The following RABGAP1 variants were observed in gnomAD, a reference collection of about 807,000 sequenced individuals.
The protein encoded by RABGAP1 is rab GTPase-activating protein 1.
Under a neutral mutation model 137.6 loss-of-function variants are expected in RABGAP1, and 23 were observed. The observed-to-expected ratio is 0.17, with a 90% CI of 0.12 to 0.24. The LOEUF is 0.24. Ranked by LOEUF, RABGAP1 falls within the 10% of genes least tolerant of loss-of-function variation. The probability of loss-of-function intolerance (pLI) is 1.00; values close to 1 mark genes in which losing one functional copy is unlikely to be tolerated. For missense variants in RABGAP1, 906 were observed against 1,275.8 expected (o/e 0.71, Z 4.42); for synonymous variants, 451 against 450.7 (o/e 1.00, Z -0.01).
chr9:123,074,637 A>G (rs902716099), intron 17 of RABGAP1, among the ~76,000 whole-genome samples: 1 of 152,262 alleles, frequency 6.6e-6, no homozygotes, highest in Non-Finnish European at 1.5e-5. Flanking sequence ...GACGTACTGA[A>G]TTAGACATTT....
At chr9:123,038,801 T>A (rs1354688751) in intron 13 of RABGAP1, among the ~76,000 whole-genome samples, 1 of 151,780 alleles carries the variant, frequency 6.6e-6, no homozygotes, top group African/African-American at 2.4e-5. Flanking sequence ...ATTGTAGACA[T>A]TTCTTATGGC....
intron 1 of RABGAP1, among the ~76,000 whole-genome samples, chr9:122,944,458 G>A (rs541457345): frequency 2.8e-4 from 42 of 152,024 alleles, no homozygotes; most frequent in Middle Eastern, 3.4e-3. Context: ...TCAAACACCT[G>A]GCCTCAAGCA....
At chr9:123,080,555 A>G (rs538056157) in intron 19 of RABGAP1, among the ~76,000 whole-genome samples, 5 of 152,338 alleles carry the variant, frequency 3.3e-5, no homozygotes, top group Middle Eastern at 3.4e-3. Context: ...TGAACCTGTT[A>G]TGGGCAAAGT....
At chr9:122,944,084 A>G (rs1833784275) in intron 1 of RABGAP1, among the ~76,000 whole-genome samples, 1 of 152,214 alleles carries the variant, frequency 6.6e-6, no homozygotes, top group African/African-American at 2.4e-5. Context: ...AATAGTTTAA[A>G]TTGGTGCTAC....
intron 10 of RABGAP1, among the ~76,000 whole-genome samples, chr9:123,009,620 GTACT>G (rs1267625521): frequency 6.6e-6 from 1 of 152,188 alleles, no homozygotes; most frequent in Non-Finnish European, 1.5e-5. Context: ...GAATGTTAAT[GTACT>G]TATAATGTGT....
At chr9:122,944,297 G>A (rs866688783) in intron 1 of RABGAP1, among the ~76,000 whole-genome samples, 2 of 141,624 alleles carry the variant, frequency 1.4e-5, no homozygotes, top group African/African-American at 2.6e-5. Context: ...TAGTGCTGTC[G>A]TAGCTCACCT....
chr9:122,973,902 C>G (rs1309049485), intron 2 of RABGAP1, among the ~76,000 whole-genome samples: 13 of 151,920 alleles, frequency 8.6e-5, no homozygotes, highest in Non-Finnish European at 1.9e-4. Context: ...CCCAGCTACT[C>G]CGGAGGCTGA....
intron 1 of RABGAP1, among the ~76,000 whole-genome samples, chr9:122,946,712 A>C (rs1833969143): frequency 6.6e-6 from 1 of 152,222 alleles, no homozygotes; most frequent in South Asian, 2.1e-4. Context: ...TTAAGCCAGC[A>C]TATGTAGAGT....
In RABGAP1 at chr9:123,049,089, A is replaced by G. The variant is rs148386174; in HGVS notation, c.1795-16259A>G. Reference sequence around the variant, plus strand: ...AAAATATTTCATTAAATAAAGAGCCATCTTTTCTGAGGAAGTCATCTGCTT... The same window carrying G: ...AAAATATTTCATTAAATAAAGAGCCGTCTTTTCTGAGGAAGTCATCTGCTT... On this transcript the variant is annotated intron_variant, in intron 13 of 25. Transcript: ENST00000373647. Among the ~76,000 whole-genome samples, 6 of 152,358 alleles carry G rather than the reference A, an allele frequency of 3.9e-5. No individual in the cohort carries two copies. The East Asian group carries it at 9.6e-4, about 24-fold the overall frequency.
At chr9:122,957,434 A>C (rs900212021) in intron 2 of RABGAP1, among the ~76,000 whole-genome samples, 2 of 152,198 alleles carry the variant, frequency 1.3e-5, no homozygotes, top group Non-Finnish European at 2.9e-5. Context: ...AAGTGTCAAA[A>C]CTAGTGGTTA....
At chr9:123,085,757 C>A (rs971890890) in intron 19 of RABGAP1, among the ~76,000 whole-genome samples, 2 of 152,132 alleles carry the variant, frequency 1.3e-5, no homozygotes, top group Non-Finnish European at 2.9e-5. Context: ...TTGTGTGAAA[C>A]GCGTTAGGAA....
At chr9:123,014,082 C>T (rs147968479) in intron 11 of RABGAP1, among the ~76,000 whole-genome samples, 2 of 152,134 alleles carry the variant, frequency 1.3e-5, no homozygotes, top group South Asian at 2.1e-4. Flanking sequence ...GACATAAACC[C>T]GATGAAAGCA....
In RABGAP1 at chr9:122,945,147, C is replaced by CTTTTTTTTTTTTTTTTTTTTTT. The variant is rs202090815; in HGVS notation, c.-50+4070_-50+4071insTTTTTTTTTTTTTTTTTTTTTT. Among the ~76,000 whole-genome samples, 528 of 75,776 alleles carry CTTTTTTTTTTTTTTTTTTTTTT rather than the reference C, an allele frequency of 7.0e-3. 195 individuals carry two copies. The highest frequency in any genetic ancestry group is 0.017 in the South Asian group (23 of 1,378). 49.7% of individuals were successfully genotyped at this position (75,776 alleles called of 152,430 possible). ...CACCATGTATACATCATAGCTGTTG[C>CTTTTTTTTTTTTTTTTTTTTTT]TTTTTTTTTTTTTTTTAGCATAAAC... On this transcript the variant is annotated intron_variant, in intron 1 of 25. Coordinates refer to ENST00000373647, the MANE Select transcript of RABGAP1 (RefSeq NM_012197.4).
chr9:123,035,134 T>C (rs1202712035), intron 13 of RABGAP1: 2 of 1,613,872 alleles, frequency 1.2e-6, no homozygotes, highest in South Asian at 2.2e-5. Context: ...CACCGACTCC[T>C]ACTTCACCCT....
chr9:122,967,947 C>T (rs576938230), intron 2 of RABGAP1, among the ~76,000 whole-genome samples: 25 of 151,868 alleles, frequency 1.6e-4, no homozygotes, highest in Non-Finnish European at 3.1e-4. Flanking sequence ...AGGCTGATCT[C>T]GAACTCCTGA....
intron 19 of RABGAP1, among the ~76,000 whole-genome samples, chr9:123,079,323 T>C (rs2034633784): frequency 6.8e-6 from 1 of 147,942 alleles, no homozygotes; most frequent in Admixed American, 6.8e-5. Flanking sequence ...CACTGCAACC[T>C]CCGCCTCCCG....
intron 1 of RABGAP1, among the ~76,000 whole-genome samples, chr9:122,945,786 G>A (rs992695406): frequency 6.6e-6 from 1 of 152,098 alleles, no homozygotes; most frequent in Non-Finnish European, 1.5e-5. Context: ...AGTTTCTGTG[G>A]TAACTTTAAC....
intron 13 of RABGAP1, among the ~76,000 whole-genome samples, chr9:123,036,693 A>G (rs2032681109): frequency 6.6e-6 from 1 of 152,156 alleles, no homozygotes; most frequent in South Asian, 2.1e-4. Flanking sequence ...TTATTTTTGA[A>G]AAGTATTCTT....
chr9:123,056,365 A>G (rs1003096836), intron 13 of RABGAP1, among the ~76,000 whole-genome samples: 2 of 152,164 alleles, frequency 1.3e-5, no homozygotes, highest in Admixed American at 6.5e-5. Flanking sequence ...TCAGAAACAG[A>G]GTAATTGCTG....
Sources: gnomAD v4.1 joint callset for allele counts (sites outside exome capture counted in the v4.1 genomes callset) on GRCh38, gnomAD v4.1.1 for gene constraint, MANE v1.5 for transcripts, NCBI Gene and HGNC (gene_info 2026-07-23, HGNC 2026-07-21) for gene names.